The following KIF21A variants were observed in gnomAD, a reference collection of about 807,000 sequenced individuals.
The protein encoded by KIF21A is kinesin-like protein KIF21A.
KIF21A carries 114 observed loss-of-function variants against 202.9 expected under a neutral mutation model. The observed-to-expected ratio is 0.56, with a 90% CI of 0.48 to 0.66. The LOEUF (loss-of-function observed/expected upper bound fraction) is 0.66, where lower values mean the gene tolerates loss of function less well. Ranked by LOEUF, KIF21A falls within the 30% of genes least tolerant of loss-of-function variation. The probability of loss-of-function intolerance (pLI) is 0.00; values close to 1 mark genes in which losing one functional copy is unlikely to be tolerated. For synonymous variants in KIF21A, 667 were observed against 670.8 expected (o/e 0.99, Z 0.09); for missense variants, 1,677 against 1,994.9 (o/e 0.84, Z 3.04).
intron 1 of KIF21A, among the ~76,000 whole-genome samples, chr12:39,384,773 C>A (rs1950836117): frequency 6.6e-6 from 1 of 152,178 alleles, no homozygotes; most frequent in South Asian, 2.1e-4. Context: ...AAAATCAATG[C>A]AAGAGCTGGG....
At chr12:39,295,692 G>GTTTGT (rs1942245216) in intron 37 of KIF21A, among the ~76,000 whole-genome samples, 2 of 78,086 alleles carry the variant, frequency 2.6e-5, no homozygotes, top group Non-Finnish European at 4.9e-5. Context: ...CTTGGGATAT[G>GTTTGT]TTTTTTTTTT....
At chr12:39,301,432 C>G (rs762150537) in intron 37 of KIF21A, 48 bp downstream of exon 37, 3 of 1,384,698 alleles carry the variant, frequency 2.2e-6, no homozygotes, top group Non-Finnish European at 3.1e-6. Flanking sequence ...TTTATTAAAT[C>G]TGAACAGAAG....
At chr12:39,329,441 A>AG (rs1337384738) in intron 24 of KIF21A, among the ~76,000 whole-genome samples, 1 of 152,178 alleles carries the variant, frequency 6.6e-6, no homozygotes, top group Non-Finnish European at 1.5e-5. Context: ...AAAGAGAAGG[A>AG]GGAGGAGAAC....
chr12:39,328,150 A>C (rs1205468051), intron 24 of KIF21A, among the ~76,000 whole-genome samples: 2 of 152,152 alleles, frequency 1.3e-5, no homozygotes, highest in Non-Finnish European at 2.9e-5. Flanking sequence ...GTTCCCAGTC[A>C]ACTGTTAGCC....
chr12:39,304,817 A>T lies in KIF21A; in HGVS notation c.4560+4T>A. ...ATATAATTCAGAAAGTCTCTTATAC[A>T]TACTTTGATGTAATGATCCTTGGAG... On this transcript the variant is annotated splice_donor_region_variant and intron_variant, in intron 35 of 37. Coordinates refer to ENST00000361418, the MANE Select transcript of KIF21A (RefSeq NM_001173464.2). 1 of 1,391,882 alleles carries T rather than the reference A, an allele frequency of 7.2e-7. No individual in the cohort carries two copies. The highest frequency in any genetic ancestry group is 1.2e-5 in the South Asian group (1 of 86,480). 86.2% of individuals were successfully genotyped at this position (1,391,882 alleles called of 1,614,324 possible). A position where few individuals can be genotyped will look rare whatever the true frequency, so the allele number is the denominator to read the frequency against.
intron 1 of KIF21A, among the ~76,000 whole-genome samples, chr12:39,421,790 A>G (rs1367598703): frequency 2.0e-5 from 3 of 147,112 alleles, no homozygotes; most frequent in Non-Finnish European, 4.5e-5. Context: ...TAAAATATGT[A>G]TAATTTTATA....
chr12:39,437,148 C>T (rs1938920701), intron 1 of KIF21A, among the ~76,000 whole-genome samples: 2 of 152,108 alleles, frequency 1.3e-5, no homozygotes, highest in African/African-American at 4.8e-5. Context: ...GAAGATTGGG[C>T]ATATTATAGT....
chr12:39,322,626 A>C, intron 27 of KIF21A, 42 bp downstream of exon 27: 1 of 1,465,204 alleles, frequency 6.8e-7, no homozygotes, highest in East Asian at 2.3e-5. Flanking sequence ...TTTTTTTTTA[A>C]AGCCAAAAGA....
intron 1 of KIF21A, among the ~76,000 whole-genome samples, chr12:39,376,085 G>C (rs1269039171): frequency 6.6e-6 from 1 of 152,056 alleles, no homozygotes; most frequent in Non-Finnish European, 1.5e-5. Context: ...GACTGTTGCT[G>C]TATTTTTTAA....
At position 39,341,111 on chromosome 12, in the gene KIF21A, A is replaced by T. The variant is rs1947402272; in HGVS notation, c.1922-17T>A. On this transcript the variant is annotated splice_polypyrimidine_tract_variant and intron_variant, in intron 14 of 37. Transcript: ENST00000361418. ...GATAATTGGCTATTTATAAAAGAAG[A>T]AAATAAAAATCCTGGTGCTAGGCCA... 6 of 1,568,602 alleles carry T rather than the reference A, an allele frequency of 3.8e-6. No individual in the cohort carries two copies. Among genetic ancestry groups the T allele is most frequent in the Non-Finnish European group, 5.2e-6 (6 of 1,151,142 alleles).
At chr12:39,407,350 T>A (rs1049563843) in intron 1 of KIF21A, among the ~76,000 whole-genome samples, 1 of 152,226 alleles carries the variant, frequency 6.6e-6, no homozygotes, top group Non-Finnish European at 1.5e-5. Context: ...TCTAATATCC[T>A]TTTTGACAAT....
At chr12:39,362,479 A>C (rs1308262417) in intron 7 of KIF21A, among the ~76,000 whole-genome samples, 1 of 152,148 alleles carries the variant, frequency 6.6e-6, no homozygotes, top group East Asian at 1.9e-4. Flanking sequence ...ACATATTTAC[A>C]GAGGGGAATA....
At chr12:39,387,546 G>A (rs1331894913) in intron 1 of KIF21A, among the ~76,000 whole-genome samples, 1 of 152,144 alleles carries the variant, frequency 6.6e-6, no homozygotes, top group Admixed American at 6.5e-5. Context: ...GTAACTGCTA[G>A]GTTTCCTATC....
chr12:39,330,296 C>G, intron 23 of KIF21A, 34 bp from the exon 24 acceptor site: 1 of 1,595,026 alleles, frequency 6.3e-7, no homozygotes, highest in Non-Finnish European at 8.6e-7. Flanking sequence ...AAACAAAAAG[C>G]AATACTCCAA....
intron 1 of KIF21A, among the ~76,000 whole-genome samples, chr12:39,431,853 A>G (rs963829325): frequency 3.3e-5 from 5 of 152,260 alleles, no homozygotes; most frequent in African/African-American, 1.2e-4. Flanking sequence ...TCTGTTGTCA[A>G]TCTAAGGGCA....
chr12:39,408,112 G>C (rs1324942108), intron 1 of KIF21A, among the ~76,000 whole-genome samples: 1 of 151,882 alleles, frequency 6.6e-6, no homozygotes, highest in Non-Finnish European at 1.5e-5. Context: ...AATATAAAAA[G>C]TTTATTAAAA....
intron 1 of KIF21A, among the ~76,000 whole-genome samples, chr12:39,371,870 A>G (rs1162015404): frequency 1.3e-5 from 2 of 151,892 alleles, no homozygotes; most frequent in African/African-American, 4.8e-5. Context: ...TGAAGGTTGC[A>G]GTGAGCCAAG....
chr12:39,306,774 A>G (rs1943516483), intron 34 of KIF21A, among the ~76,000 whole-genome samples: 1 of 152,190 alleles, frequency 6.6e-6, no homozygotes, highest in Admixed American at 6.5e-5. Context: ...TAATCCGAGC[A>G]CTTTGGGAGG....
intron 7 of KIF21A, among the ~76,000 whole-genome samples, chr12:39,362,324 G>A (rs1243548590): frequency 1.3e-5 from 2 of 152,160 alleles, no homozygotes; most frequent in Non-Finnish European, 2.9e-5. Context: ...TAGATTTGTT[G>A]TATAGCATCT....
Sources: gnomAD v4.1 joint callset for allele counts (sites outside exome capture counted in the v4.1 genomes callset) on GRCh38, gnomAD v4.1.1 for gene constraint, MANE v1.5 for transcripts, NCBI Gene and HGNC (gene_info 2026-07-23, HGNC 2026-07-21) for gene names.